The following KLHL2 variants were observed in gnomAD, a reference collection of about 807,000 sequenced individuals.
KLHL2 encodes kelch like family member 2, also known as kelch-like protein 2.
In KLHL2, 15 loss-of-function variants were observed where a neutral mutation model predicts 75.8. The observed-to-expected ratio is 0.20, with a 90% CI of 0.13 to 0.30. The LOEUF (loss-of-function observed/expected upper bound fraction) is 0.30. Among genes scored for constraint, KLHL2 ranks in the 10% least tolerant of loss-of-function variants. The probability of loss-of-function intolerance (pLI) is 1.00; values close to 1 mark genes in which losing one functional copy is unlikely to be tolerated. For synonymous variants in KLHL2, 214 were observed against 251.9 expected, an observed-to-expected ratio of 0.85 and a Z score of 1.42; for missense variants, 381 against 741.0, an observed-to-expected ratio of 0.51 and a Z score of 5.64.
chr4:165,229,549 A>C (rs1307100149), intron 3 of KLHL2, among the ~76,000 whole-genome samples: 1 of 152,226 alleles, frequency 6.6e-6, no homozygotes, highest in Non-Finnish European at 1.5e-5. Flanking sequence ...TACAAATAGA[A>C]ATGTAGTTAT....
At chr4:165,233,941 ATCT>A (rs1739118437) in intron 3 of KLHL2, among the ~76,000 whole-genome samples, 1 of 152,186 alleles carries the variant, frequency 6.6e-6, no homozygotes, top group Non-Finnish European at 1.5e-5. Context: ...TTCATCAAGA[ATCT>A]TCTTCTGTCT....
intron 4 of KLHL2, among the ~76,000 whole-genome samples, chr4:165,253,809 C>G (rs1023898437): frequency 5.9e-5 from 9 of 152,236 alleles, no homozygotes; most frequent in African/African-American, 2.2e-4. Flanking sequence ...TGACTTCTTC[C>G]TCATAACATA....
chr4:165,271,501 G>A (rs1388686674), intron 5 of KLHL2, among the ~76,000 whole-genome samples: 3 of 152,172 alleles, frequency 2.0e-5, no homozygotes, highest in African/African-American at 7.2e-5. Flanking sequence ...CATTGATTTT[G>A]TAACCTGAGG....
intron 1 of KLHL2, among the ~76,000 whole-genome samples, chr4:165,215,877 A>G (rs964716139): frequency 1.3e-5 from 2 of 152,130 alleles, no homozygotes; most frequent in African/African-American, 4.8e-5. Context: ...GCTTTCTCCT[A>G]TACTCCTGGA....
At chr4:165,310,060 A>T (rs1746029989) in intron 9 of KLHL2, among the ~76,000 whole-genome samples, 1 of 152,216 alleles carries the variant, frequency 6.6e-6, no homozygotes, top group Admixed American at 6.5e-5. Flanking sequence ...AAAGAAGGCC[A>T]GGTGCAGTGG....
At chr4:165,272,120 C>T (rs370320148) in intron 5 of KLHL2, among the ~76,000 whole-genome samples, 1 of 152,116 alleles carries the variant, frequency 6.6e-6, no homozygotes, top group Non-Finnish European at 1.5e-5. Flanking sequence ...TAAATTTAGA[C>T]CTTATTGATT....
At chr4:165,285,548 A>G (rs1036892182) in intron 5 of KLHL2, among the ~76,000 whole-genome samples, 3 of 152,120 alleles carry the variant, frequency 2.0e-5, no homozygotes, top group Non-Finnish European at 2.9e-5. Context: ...CTGGGATTAC[A>G]GGTTCCCGCC....
chr4:165,254,933 T>A (rs1741045171), intron 4 of KLHL2, among the ~76,000 whole-genome samples: 1 of 152,226 alleles, frequency 6.6e-6, no homozygotes, highest in South Asian at 2.1e-4. Flanking sequence ...TGAGGTAGAA[T>A]GTTCAATCCA....
At chr4:165,300,572 C>A (rs1745271165) in intron 8 of KLHL2, among the ~76,000 whole-genome samples, 2 of 152,106 alleles carry the variant, frequency 1.3e-5, no homozygotes, top group Admixed American at 1.3e-4. Flanking sequence ...TTAGCTGTGG[C>A]CATTCATATT....
chr4:165,289,954 G>C (rs1744385215), intron 5 of KLHL2, among the ~76,000 whole-genome samples: 1 of 152,140 alleles, frequency 6.6e-6, no homozygotes, highest in South Asian at 2.1e-4. Flanking sequence ...AATCACTGTA[G>C]ACATACATTT....
chr4:165,286,317 GACTA>G (rs1193758731), intron 5 of KLHL2, among the ~76,000 whole-genome samples: 1 of 152,150 alleles, frequency 6.6e-6, no homozygotes, highest in East Asian at 1.9e-4. Context: ...TTCATATGGA[GACTA>G]ACAGACAGCT....
chr4:165,253,945 C>T (rs1311722816), intron 4 of KLHL2, among the ~76,000 whole-genome samples: 7 of 151,716 alleles, frequency 4.6e-5, no homozygotes, highest in African/African-American at 1.5e-4. Flanking sequence ...TGACTAGAGA[C>T]GGGATGGGAT....
At chr4:165,217,640 A>G (rs1324984655) in intron 1 of KLHL2, among the ~76,000 whole-genome samples, 1 of 152,196 alleles carries the variant, frequency 6.6e-6, no homozygotes, top group Non-Finnish European at 1.5e-5. Context: ...AAGCCCTCAG[A>G]GAGTCAGGTG....
chr4:165,275,226 T>C (rs552547000), intron 5 of KLHL2, among the ~76,000 whole-genome samples: 6 of 152,286 alleles, frequency 3.9e-5, no homozygotes, highest in South Asian at 4.1e-4. Flanking sequence ...TACTAACTTA[T>C]TCAGAGAGTG....
intron 4 of KLHL2, among the ~76,000 whole-genome samples, chr4:165,247,784 A>G (rs1234100237): frequency 6.6e-6 from 1 of 152,250 alleles, no homozygotes; most frequent in Non-Finnish European, 1.5e-5. Context: ...TGAACTAAAC[A>G]TGATAAATCA....
At chr4:165,248,934 G>A (rs1478933378) in intron 4 of KLHL2, among the ~76,000 whole-genome samples, 1 of 152,150 alleles carries the variant, frequency 6.6e-6, no homozygotes, top group African/African-American at 2.4e-5. Context: ...TATGTTATTT[G>A]TGTATATATT....
chr4:165,223,959 G>C (rs1738218088), intron 2 of KLHL2: 1 of 451,116 alleles, frequency 2.2e-6, no homozygotes, highest in African/African-American at 2.0e-5. Context: ...CTGCCACCCA[G>C]GCTGGAATGC....
intron 4 of KLHL2, among the ~76,000 whole-genome samples, chr4:165,257,445 G>A (rs535267383): frequency 1.3e-5 from 2 of 152,310 alleles, no homozygotes; most frequent in African/African-American, 4.8e-5. Flanking sequence ...AGACTGTGTG[G>A]GTATGAGCCC....
At chr4:165,258,956 ATG>A (rs1741426247) in intron 4 of KLHL2, among the ~76,000 whole-genome samples, 1 of 152,152 alleles carries the variant, frequency 6.6e-6, no homozygotes, top group Non-Finnish European at 1.5e-5. Context: ...ACAAGTGCTG[ATG>A]CTATTAAATT....
Sources: gnomAD v4.1 joint callset for allele counts (sites outside exome capture counted in the v4.1 genomes callset) on GRCh38, gnomAD v4.1.1 for gene constraint, MANE v1.5 for transcripts, NCBI Gene and HGNC (gene_info 2026-07-23, HGNC 2026-07-21) for gene names.